Variants in ADORA2B observed in about 807,000 individuals in gnomAD.
ADORA2B encodes the protein adenosine receptor A2b.
Under a neutral mutation model 20.8 loss-of-function variants are expected in ADORA2B, and 18 were observed. The ratio of observed to expected loss-of-function variants is 0.87; its 90% CI spans 0.60 to 1.29. The LOEUF (loss-of-function observed/expected upper bound fraction) is 1.29. ADORA2B is among the 50% of genes most tolerant of loss of function. The probability of loss-of-function intolerance (pLI) is 0.00; values close to 1 mark genes in which losing one functional copy is unlikely to be tolerated. For synonymous variants in ADORA2B, 179 were observed against 178.3 expected (o/e 1.00, Z -0.03); for missense variants, 441 against 422.7 (o/e 1.04, Z -0.38).
chr17:15,945,248 C>A lies in ADORA2B; in HGVS notation c.-1C>A. 1.4e-6 allele frequency: 2 copies of A among 1,428,222 alleles called. No individual in the cohort carries two copies. The highest frequency in any genetic ancestry group is 1.8e-6 in the Non-Finnish European group (2 of 1,096,412). 88.5% of individuals were successfully genotyped at this position (1,428,222 alleles called of 1,614,324 possible). ...GCGCCCGGGGCCCAGCTGGCCCGGC[C>A]ATGCTGCTGGAGACACAGGACGCGC... On this transcript the variant is annotated 5_prime_UTR_variant, in exon 1 of 2. Transcript: ENST00000304222.
the ADORA2B span, among the ~76,000 whole-genome samples, chr17:15,859,222 C>G: frequency 1.9e-3 from 285 of 152,242 alleles, 2 homozygotes; most frequent in African/African-American, 6.5e-3. Flanking sequence ...ACTTAGCCCC[C>G]TCCAGGCACC....
rs570460453 is a variant in ADORA2B, at chr17:15,963,104, T to G, written c.336-11575T>G. ...CCTAGCAATAAACAGAGGTAGGAGG[T>G]TTTTTTTAATAAAAAATAGTGAATT... On this transcript the variant is annotated intron_variant, in intron 1 of 1. Coordinates refer to ENST00000304222, the MANE Select transcript of ADORA2B (RefSeq NM_000676.4). Among the ~76,000 whole-genome samples, 6 of 151,914 alleles carry G rather than the reference T, an allele frequency of 3.9e-5. No homozygotes were observed. The South Asian group carries it at 1.0e-3, about 26-fold the overall frequency.
chr17:15,897,965 A>G, the ADORA2B span, among the ~76,000 whole-genome samples: 1 of 152,232 alleles, frequency 6.6e-6, no homozygotes, highest in Non-Finnish European at 1.5e-5. Flanking sequence ...AACTTACTCA[A>G]AAAGAAGTAA....
rs1970070220 is a variant in ADORA2B, at chr17:15,964,018, C to T, written c.336-10661C>T. Among the ~76,000 whole-genome samples the T allele has an allele frequency of 2.0e-5, 3 of 152,292 alleles. 1 individual carries two copies. In the South Asian group the frequency reaches 6.2e-4, roughly 32 times the overall value. On this transcript the variant is annotated intron_variant, in intron 1 of 1. Transcript: ENST00000304222. Reference sequence around the variant, plus strand: ...GCCAGGGCCTCCTGGGAAGACTCGGCCTGAAAGTAACCTTTGGTGACCACA... The same window carrying T: ...GCCAGGGCCTCCTGGGAAGACTCGGTCTGAAAGTAACCTTTGGTGACCACA...
the ADORA2B span, among the ~76,000 whole-genome samples, chr17:15,862,211 C>CTTTTTTTTTTTTTTTTTTT: frequency 1.0e-5 from 1 of 96,290 alleles, no homozygotes; most frequent in Non-Finnish European, 1.9e-5. Flanking sequence ...CTTTTCTTTT[C>CTTTTTTTTTTTTTTTTTTT]TTTTTTTTTT....
At position 15,945,159 on chromosome 17, in the gene ADORA2B, C is replaced by A; in HGVS notation, c.-90C>A. On this transcript the variant is annotated 5_prime_UTR_variant, in exon 1 of 2. Transcript: ENST00000304222. Reference sequence around the variant, plus strand: ...GCGGCAGGCGGAGGCGCGGTCCGGGCGCTATGGCCATGCCCGGCGGGTCTC... The same window carrying A: ...GCGGCAGGCGGAGGCGCGGTCCGGGAGCTATGGCCATGCCCGGCGGGTCTC... The A allele has an allele frequency of 8.7e-7, 1 of 1,151,386 alleles. No individual in the cohort carries two copies. Among genetic ancestry groups the A allele is most frequent in the Non-Finnish European group, 1.1e-6 (1 of 889,204 alleles). 71.3% of individuals were successfully genotyped at this position (1,151,386 alleles called of 1,614,324 possible).
chr17:15,939,676 A>C, the ADORA2B span, among the ~76,000 whole-genome samples: 1 of 151,840 alleles, frequency 6.6e-6, no homozygotes, highest in Non-Finnish European at 1.5e-5. Context: ...TGGCTAACAC[A>C]TGAAACCCTG....
At chr17:15,925,846 C>T in the ADORA2B span, among the ~76,000 whole-genome samples, 1 of 151,984 alleles carries the variant, frequency 6.6e-6, no homozygotes, top group Admixed American at 6.6e-5. Context: ...TGGTGTGTGC[C>T]TATAATCCCA....
chr17:15,905,283 T>G, the ADORA2B span, among the ~76,000 whole-genome samples: 1 of 127,306 alleles, frequency 7.9e-6, no homozygotes, highest in Admixed American at 7.6e-5. Context: ...TTTGTTGTTG[T>G]TGGGGGGGGG....
chr17:15,887,686 G>A, the ADORA2B span, among the ~76,000 whole-genome samples: 9 of 127,554 alleles, frequency 7.1e-5, 1 homozygote, highest in Admixed American at 6.2e-4. Flanking sequence ...GGTCGCTCAC[G>A]CCTGTAATCC....
At chr17:15,959,766 G>A (rs1174775393) in intron 1 of ADORA2B, among the ~76,000 whole-genome samples, 1 of 152,186 alleles carries the variant, frequency 6.6e-6, no homozygotes, top group African/African-American at 2.4e-5. Flanking sequence ...TTCCCAAAGT[G>A]TTGGGATTAC....
intron 1 of ADORA2B, among the ~76,000 whole-genome samples, chr17:15,972,459 A>G (rs1970200842): frequency 6.6e-6 from 1 of 152,252 alleles, no homozygotes; most frequent in Non-Finnish European, 1.5e-5. Flanking sequence ...ATTATGGACC[A>G]GTTGTTAATA....
At chr17:15,906,595 G>A in the ADORA2B span, among the ~76,000 whole-genome samples, 9 of 152,144 alleles carry the variant, frequency 5.9e-5, no homozygotes, top group Non-Finnish European at 8.8e-5. Context: ...TTTGGTATTA[G>A]GGTAATGCTG....
the ADORA2B span, among the ~76,000 whole-genome samples, chr17:15,860,255 G>A: frequency 1.3e-5 from 2 of 152,148 alleles, no homozygotes; most frequent in African/African-American, 2.4e-5. Context: ...GCTCCCAGAC[G>A]AATAAACCCC....
chr17:15,921,718 AAAG>A, the ADORA2B span, among the ~76,000 whole-genome samples: 1 of 152,200 alleles, frequency 6.6e-6, no homozygotes, highest in African/African-American at 2.4e-5. Flanking sequence ...CTCATTAAAA[AAAG>A]AAGTCCAGAG....
rs572064865 is a variant in ADORA2B at position 15,949,006 on chromosome 17, G to A, written c.335+3423G>A. The stretch of plus-strand genomic sequence containing the variant: ...GTGGATCACCTGAGGTCAGGAGCTC[G>A]AGACCAGCTTGGCCAACATGGTGAA... On this transcript the variant is annotated intron_variant, in intron 1 of 1. Transcript: ENST00000304222. Among the ~76,000 whole-genome samples the A allele has an allele frequency of 1.4e-4, 21 of 152,052 alleles. No homozygotes were observed. The East Asian group carries it at 2.9e-3, about 21-fold the overall frequency.
Position 15,945,537 on chromosome 17 carries a change from CTGGCCG to C in ADORA2B, c.294_299del (p.Ala100_Val101del). On this transcript the variant is annotated inframe_deletion, in exon 1 of 2. Transcript: ENST00000304222. The stretch of plus-strand genomic sequence containing the variant: ...CACGCAGAGCTCCATCTTCAGCCTT[CTGGCCG>C]TGGCAGTCGACAGATACCTGGCCAT... 6.3e-7 allele frequency: 1 copy of C among 1,596,630 alleles called. No homozygotes were observed. Among genetic ancestry groups the C allele is most frequent in the South Asian group, 1.1e-5 (1 of 88,814 alleles).
At chr17:15,923,965 C>T in the ADORA2B span, among the ~76,000 whole-genome samples, 20 of 151,992 alleles carry the variant, frequency 1.3e-4, 1 homozygote, top group South Asian at 2.9e-3. Context: ...CAGGCTGGAG[C>T]GCAATGGCGT....
the ADORA2B span, among the ~76,000 whole-genome samples, chr17:15,867,693 C>T: frequency 6.7e-6 from 1 of 149,494 alleles, no homozygotes; most frequent in East Asian, 2.0e-4. Context: ...CCCCGCCCGG[C>T]CAGCCGCCCC....
Sources: gnomAD v4.1 joint callset for allele counts (sites outside exome capture counted in the v4.1 genomes callset) on GRCh38, gnomAD v4.1.1 for gene constraint, MANE v1.5 for transcripts, NCBI Gene and HGNC (gene_info 2026-07-23, HGNC 2026-07-21) for gene names.